The following SULT6B1 variants were observed in gnomAD, a reference collection of about 807,000 sequenced individuals.
SULT6B1 encodes the protein sulfotransferase 6B1.
A neutral mutation model predicts 37.2 loss-of-function variants in SULT6B1; 44 were observed. The observed-to-expected ratio is 1.18, with a 90% CI of 0.93 to 1.52. The LOEUF (loss-of-function observed/expected upper bound fraction) is 1.52. SULT6B1 is among the 40% of genes most tolerant of loss of function. The probability of loss-of-function intolerance (pLI) is 0.00; values close to 1 mark genes in which losing one functional copy is unlikely to be tolerated. For missense variants in SULT6B1, 450 were observed against 361.0 expected (o/e 1.25, Z -2.00); for synonymous variants, 140 against 126.0 (o/e 1.11, Z -0.74).
At chr2:37,179,330 T>TTTAAATGAAAA (rs1360874237) in intron 4 of SULT6B1, 128 bp downstream of exon 4, 10 of 1,217,052 alleles carry the variant, frequency 8.2e-6, no homozygotes, top group African/African-American at 1.5e-5. Flanking sequence ...TGACCGTTCA[T>TTTAAATGAAAA]TTAAATGAAA....
Position 37,182,933 on chromosome 2 carries a change from C to G in SULT6B1, c.402+492G>C, listed in dbSNP as rs986739286. 4.6e-5 allele frequency among the ~76,000 whole-genome samples: 7 copies of G among 152,230 alleles called. No individual in the cohort carries two copies. In the East Asian group the frequency reaches 1.2e-3, roughly 25 times the overall value. ...ATGGTGTCCCATGCCTGTAATCTCACCACTTTGGGAGGCCTTGGTGGCAGA... is the reference window on the plus strand; with the variant it reads ...ATGGTGTCCCATGCCTGTAATCTCAGCACTTTGGGAGGCCTTGGTGGCAGA... On this transcript the variant is annotated intron_variant, in intron 3 of 6. Transcript: ENST00000535679.
intron 1 of SULT6B1, among the ~76,000 whole-genome samples, chr2:37,193,908 C>A (rs1462817017): frequency 6.6e-6 from 1 of 152,104 alleles, no homozygotes; most frequent in Non-Finnish European, 1.5e-5. Context: ...CGCTAAAGGA[C>A]CCTTGGTAAA....
intron 6 of SULT6B1, 150 bp downstream of exon 6, chr2:37,171,284 T>G: frequency 1.2e-6 from 1 of 830,620 alleles, no homozygotes; most frequent in Non-Finnish European, 1.8e-6. Flanking sequence ...GGCTGCCAGT[T>G]ACAGCTCTGG....
intron 4 of SULT6B1, 102 bp downstream of exon 4, chr2:37,179,356 A>C: frequency 6.8e-7 from 1 of 1,470,568 alleles, no homozygotes; most frequent in Non-Finnish European, 9.2e-7. Context: ...TGGTTCCCAG[A>C]TCTACCTAAA....
intron 6 of SULT6B1, among the ~76,000 whole-genome samples, chr2:37,170,076 T>G (rs1467990205): frequency 6.6e-6 from 1 of 152,310 alleles, no homozygotes; most frequent in Middle Eastern, 3.4e-3. Context: ...CTCTTCCTTA[T>G]GGACAAAACC....
At chr2:37,175,007 C>T (rs1676382380) in intron 5 of SULT6B1, 125 bp downstream of exon 5, 4 of 508,780 alleles carry the variant, frequency 7.9e-6, no homozygotes, top group South Asian at 9.9e-5. Context: ...AGCACTGTAC[C>T]ATATATCTGG....
At chr2:37,174,574 C>A (rs1471995548) in intron 5 of SULT6B1, among the ~76,000 whole-genome samples, 1 of 152,112 alleles carries the variant, frequency 6.6e-6, no homozygotes, top group East Asian at 1.9e-4. Context: ...TTTTCCTTCA[C>A]CAGCTATGCT....
intron 6 of SULT6B1, 90 bp from the exon 7 acceptor site, chr2:37,168,155 A>G: frequency 7.8e-7 from 1 of 1,277,862 alleles, no homozygotes; most frequent in South Asian, 1.7e-5. Flanking sequence ...TCACTCTGAT[A>G]TGTTAAAATG....
chr2:37,175,561 A>T (rs1472973795), intron 4 of SULT6B1, among the ~76,000 whole-genome samples: 3 of 152,236 alleles, frequency 2.0e-5, no homozygotes, highest in African/African-American at 7.2e-5. Flanking sequence ...CGACAGAGAC[A>T]ATGCCAGAAA....
In SULT6B1 at chr2:37,183,458, T is replaced by C; in HGVS notation, c.369A>G (p.Lys123=). ...TATTCTCGAAGATAGACCCAGGTAA[T>C]TTGTCATAGTGGAGGTGAGTTGCCA... ...RILATHLHYD[K]LPGSIFENKA... Residue 123 remains lysine, a synonymous_variant, in exon 3 of 7, where the codon AAA becomes AAG. Coordinates refer to ENST00000535679, the MANE Select transcript of SULT6B1 (RefSeq NM_001367551.1). The C allele has an allele frequency of 6.2e-7, 1 of 1,614,174 alleles. No homozygotes were observed. The highest frequency in any genetic ancestry group is 1.1e-5 in the South Asian group (1 of 91,086).
intron 1 of SULT6B1, among the ~76,000 whole-genome samples, chr2:37,194,072 C>G (rs1372241047): frequency 1.3e-5 from 2 of 152,042 alleles, no homozygotes; most frequent in East Asian, 1.9e-4. Flanking sequence ...TTTAGTCTTT[C>G]TTATAATTTC....
At chr2:37,188,013 GAGCA>G (rs1676710196) in intron 1 of SULT6B1, among the ~76,000 whole-genome samples, 1 of 152,140 alleles carries the variant, frequency 6.6e-6, no homozygotes, top group South Asian at 2.1e-4. Context: ...GAAACTGATG[GAGCA>G]ATATTTGATC....
chr2:37,175,949 T>G (rs1676416885), intron 4 of SULT6B1, among the ~76,000 whole-genome samples: 2 of 152,240 alleles, frequency 1.3e-5, no homozygotes, highest in African/African-American at 4.8e-5. Flanking sequence ...AACTGAATTG[T>G]ATATCCCTTA....
chr2:37,193,891 G>T (rs1676838278), intron 1 of SULT6B1, among the ~76,000 whole-genome samples: 1 of 152,174 alleles, frequency 6.6e-6, no homozygotes, highest in South Asian at 2.1e-4. Flanking sequence ...GACCAGGAAG[G>T]CACTGTCGCT....
At chr2:37,188,054 T>C (rs753689512) in intron 1 of SULT6B1, among the ~76,000 whole-genome samples, 1 of 152,150 alleles carries the variant, frequency 6.6e-6, no homozygotes. Flanking sequence ...AACATGGAAA[T>C]CATCATGTAA....
At chr2:37,194,769 T>A (rs1323815152) in intron 1 of SULT6B1, 1 of 159,406 alleles carries the variant, frequency 6.3e-6, no homozygotes, top group African/African-American at 2.4e-5. Context: ...AAGCTTGTTA[T>A]CATTTCTTTA....
chr2:37,183,135 C>G (rs995593407), intron 3 of SULT6B1, among the ~76,000 whole-genome samples: 1 of 152,116 alleles, frequency 6.6e-6, no homozygotes, highest in African/African-American at 2.4e-5. Context: ...TTTGTGTGTG[C>G]ATGAAACACT....
chr2:37,192,229 AATGTAAACAT>A (rs772745703), upstream of SULT6B1, among the ~76,000 whole-genome samples: 50 of 152,336 alleles, frequency 3.3e-4, no homozygotes, highest in East Asian at 7.9e-3. Context: ...CTATTTCTGA[AATGTAAACAT>A]ATGTAAACAT....
intron 3 of SULT6B1, among the ~76,000 whole-genome samples, chr2:37,182,110 C>T (rs1176899486): frequency 1.3e-5 from 2 of 152,112 alleles, no homozygotes; most frequent in Admixed American, 6.6e-5. Flanking sequence ...GTTTGCTTTC[C>T]TACTCTTCCT....
Sources: gnomAD v4.1 joint callset for allele counts (sites outside exome capture counted in the v4.1 genomes callset) on GRCh38, gnomAD v4.1.1 for gene constraint, MANE v1.5 for transcripts, NCBI Gene and HGNC (gene_info 2026-07-23, HGNC 2026-07-21) for gene names.